Variants in CACNA1D observed in about 807,000 individuals in gnomAD.
The protein encoded by CACNA1D is calcium voltage-gated channel subunit alpha1 D, also known as voltage-dependent L-type calcium channel subunit alpha-1D.
A neutral mutation model predicts 257.1 loss-of-function variants in CACNA1D; 55 were observed. The ratio of observed to expected loss-of-function variants is 0.21; its 90% CI spans 0.17 to 0.27. The LOEUF (loss-of-function observed/expected upper bound fraction) is 0.27. Ranked by LOEUF, CACNA1D falls within the 10% of genes least tolerant of loss-of-function variation. The probability of loss-of-function intolerance (pLI) is 1.00; values close to 1 mark genes in which losing one functional copy is unlikely to be tolerated. For missense variants in CACNA1D, 1,876 were observed against 2,784.0 expected (o/e 0.67, Z 7.34); for synonymous variants, 980 against 1,014.9 (o/e 0.97, Z 0.65).
chr3:53,769,704 C>T (rs2095355916), intron 30 of CACNA1D, among the ~76,000 whole-genome samples: 1 of 152,216 alleles, frequency 6.6e-6, no homozygotes, highest in Non-Finnish European at 1.5e-5. Flanking sequence ...TGAGGTCTTG[C>T]AGCACTGCCT....
Position 53,740,262 on chromosome 3 carries a change from A to G in CACNA1D, c.2752-18A>G, listed in dbSNP as rs750284954. The G allele has an allele frequency of 6.9e-6, 11 of 1,587,060 alleles. No individual in the cohort carries two copies. Among genetic ancestry groups the G allele is most frequent in the Non-Finnish European group, 9.5e-6 (11 of 1,155,472 alleles). The stretch of plus-strand genomic sequence containing the variant: ...TGTCTGAATTCCTTTTCTCACTCCC[A>G]CATGTTGTGCCTTGCAGATACTGGG... On this transcript the variant is annotated intron_variant, in intron 20 of 47. Transcript: ENST00000350061.
rs369632090 is a variant in CACNA1D at position 53,811,169 on chromosome 3, A to T, written c.6249A>T (p.Ala2083=). 5.0e-6 allele frequency: 8 copies of T among 1,614,040 alleles called. No individual in the cohort carries two copies. Among genetic ancestry groups the T allele is most frequent in the Non-Finnish European group, 5.1e-6 (6 of 1,180,032 alleles). Residue 2083 remains alanine, a synonymous_variant, in exon 48 of 48, where the codon GCA becomes GCT. Coordinates refer to ENST00000350061, the MANE Select transcript of CACNA1D (RefSeq NM_001128840.3). The surrounding 1 kb of genome is among the most constrained non-coding windows in gnomAD (Gnocchi z 4.2). ...CAAGGGACCCAAAATTTGTGTCAGC[A>T]ACAAAACACGAAATCGCTGATGCCT... ...RYARDPKFVS[A]TKHEIADACD... is the part of the protein sequence containing the mutation.
At chr3:53,776,230 A>T (rs1269535723) in intron 35 of CACNA1D, among the ~76,000 whole-genome samples, 185 bp downstream of exon 35, 1 of 152,230 alleles carries the variant, frequency 6.6e-6, no homozygotes, top group Non-Finnish European at 1.5e-5. Flanking sequence ...CCACCTTTGT[A>T]AGCAGAGATT....
At chr3:53,604,836 C>G (rs150427151) in intron 3 of CACNA1D, among the ~76,000 whole-genome samples, 194 of 152,276 alleles carry the variant, frequency 1.3e-3, no homozygotes, top group African/African-American at 4.2e-3. Context: ...ACCTTCATTT[C>G]AAGGTCTGAT....
chr3:53,620,180 G>A (rs747397290), intron 3 of CACNA1D, among the ~76,000 whole-genome samples: 12 of 152,158 alleles, frequency 7.9e-5, no homozygotes, highest in East Asian at 1.9e-4. Flanking sequence ...TCTAGTGAGC[G>A]GCCTTTCCAT....
chr3:53,618,177 AC>A (rs1326308380), intron 3 of CACNA1D, among the ~76,000 whole-genome samples: 1 of 152,186 alleles, frequency 6.6e-6, no homozygotes, highest in Non-Finnish European at 1.5e-5. Flanking sequence ...GCTGCACAGT[AC>A]CCAGTGTGTG....
intron 3 of CACNA1D, among the ~76,000 whole-genome samples, chr3:53,580,924 AAGTT>A (rs776647030): frequency 6.6e-6 from 1 of 152,184 alleles, no homozygotes; most frequent in South Asian, 2.1e-4. Flanking sequence ...TTTGCAAAAG[AAGTT>A]AGTAAGTGGC....
intron 30 of CACNA1D, 137 bp from the exon 31 acceptor site, chr3:53,769,836 G>A: frequency 3.9e-6 from 3 of 776,890 alleles, no homozygotes; most frequent in Middle Eastern, 2.3e-4. Flanking sequence ...GAGAGCCACT[G>A]GTATTTTCTC....
intron 7 of CACNA1D, 124 bp downstream of exon 7, chr3:53,666,659 G>A: frequency 1.2e-6 from 1 of 818,942 alleles, no homozygotes; most frequent in Non-Finnish European, 2.1e-6. Context: ...GGGAAGGGAA[G>A]CAGATGCTGT....
At chr3:53,527,619 G>T (rs1356383973) in intron 3 of CACNA1D, among the ~76,000 whole-genome samples, 2 of 152,216 alleles carry the variant, frequency 1.3e-5, no homozygotes, top group Non-Finnish European at 2.9e-5. Context: ...AGGTTGGGCT[G>T]CTGTGTATGA....
chr3:53,687,776 A>G (rs1000609408), intron 8 of CACNA1D, among the ~76,000 whole-genome samples: 11 of 152,228 alleles, frequency 7.2e-5, no homozygotes, highest in Non-Finnish European at 8.8e-5. Flanking sequence ...ATAGATGAGC[A>G]ACTCAAAAAT....
chr3:53,801,152 A>G lies in CACNA1D; in HGVS notation c.5135A>G (p.His1712Arg). 1 of 1,614,066 alleles carries G rather than the reference A, an allele frequency of 6.2e-7. No homozygotes were observed. Among genetic ancestry groups the G allele is most frequent in the Non-Finnish European group, 8.5e-7 (1 of 1,179,936 alleles). ...QQTNTTHRPLHVQRPSIPPAS... is the reference protein window; with the variant it reads ...QQTNTTHRPLRVQRPSIPPAS... The stretch of plus-strand genomic sequence containing the variant: ...ACCAATACCACCCACCGTCCCCTGC[A>G]TGTCCAAAGGCCTTCAATTCCACCT... Residue 1712 changes from histidine to arginine, a missense_variant, in exon 42 of 48, where the codon CAT (histidine) becomes CGT (arginine). Physicochemically the swap from His to Arg is conservative, Grantham distance 29. This residue lies in a region of CACNA1D where 160 missense variants were observed against 236.6 expected (regional missense o/e 0.68). Coordinates refer to ENST00000350061, the MANE Select transcript of CACNA1D (RefSeq NM_001128840.3).
intron 30 of CACNA1D, among the ~76,000 whole-genome samples, chr3:53,769,291 G>T (rs2095353186): frequency 6.6e-6 from 1 of 152,190 alleles, no homozygotes; most frequent in African/African-American, 2.4e-5. Context: ...AACCACAGGG[G>T]AGCTGGTCCT....
chr3:53,514,310 C>T (rs924394516), intron 3 of CACNA1D, among the ~76,000 whole-genome samples: 4 of 149,166 alleles, frequency 2.7e-5, no homozygotes, highest in South Asian at 2.1e-4. Flanking sequence ...AAACACCAAG[C>T]GGAGGAGGGT....
chr3:53,809,451 C>T (rs2095584765), intron 46 of CACNA1D: 1 of 196,890 alleles, frequency 5.1e-6, no homozygotes, highest in Non-Finnish European at 1.1e-5. Context: ...CCCCGTCCCT[C>T]TCTGCAGAGT....
At chr3:53,606,114 A>G (rs1236547490) in intron 3 of CACNA1D, among the ~76,000 whole-genome samples, 1 of 152,224 alleles carries the variant, frequency 6.6e-6, no homozygotes, top group East Asian at 1.9e-4. Context: ...ACTGGACCCA[A>G]TAATAGGAAC....
At chr3:53,808,851 G>T in intron 46 of CACNA1D, 81 bp downstream of exon 46, 1 of 1,441,804 alleles carries the variant, frequency 6.9e-7, no homozygotes, top group Non-Finnish European at 9.6e-7. Flanking sequence ...CTTCTCCTTG[G>T]CCTTAAGCAC....
intron 28 of CACNA1D, among the ~76,000 whole-genome samples, chr3:53,752,261 A>G (rs1039456371): frequency 3.3e-5 from 5 of 152,074 alleles, no homozygotes; most frequent in African/African-American, 1.2e-4. Context: ...TTTTACTCTG[A>G]ATTTTTTGTG....
intron 30 of CACNA1D, among the ~76,000 whole-genome samples, chr3:53,762,350 G>T (rs2095308423): frequency 6.6e-6 from 1 of 152,244 alleles, no homozygotes; most frequent in Admixed American, 6.5e-5. Context: ...GGTAAGATAG[G>T]ATGTCTCTAA....
Sources: allele counts gnomAD v4.1 joint callset (sites outside exome capture counted in the v4.1 genomes callset), GRCh38; gene constraint gnomAD v4.1.1; regional missense constraint gnomAD v4.1.1; non-coding constraint Gnocchi (gnomAD v3.1); transcripts MANE v1.5; gene names NCBI Gene and HGNC (gene_info 2026-07-23, HGNC 2026-07-21).